Variants in MPRIP observed in about 807,000 individuals in gnomAD.
MPRIP encodes myosin phosphatase Rho interacting protein, also known as myosin phosphatase Rho-interacting protein.
In MPRIP, 59 loss-of-function variants were observed where a neutral mutation model predicts 234.9. That is an observed-to-expected ratio of 0.25 (90% confidence interval 0.20 to 0.31). MPRIP has a LOEUF of 0.31. Ranked by LOEUF, MPRIP falls within the 10% of genes least tolerant of loss-of-function variation. The pLI, the probability that MPRIP is intolerant of heterozygous loss-of-function variation, is 1.00. For synonymous variants in MPRIP, 1,144 were observed against 1,263.9 expected (o/e 0.91, Z 2.01); for missense variants, 2,436 against 3,071.0 (o/e 0.79, Z 4.89).
intron 3 of MPRIP, among the ~76,000 whole-genome samples, chr17:17,089,686 T>A (rs1371843158): frequency 6.6e-6 from 1 of 151,928 alleles, no homozygotes; most frequent in African/African-American, 2.4e-5. Flanking sequence ...GTGTGAGGTG[T>A]AGGCGTGAGA....
At chr17:17,100,262 T>G (rs2089933098) in intron 3 of MPRIP, among the ~76,000 whole-genome samples, 1 of 152,186 alleles carries the variant, frequency 6.6e-6, no homozygotes, top group Non-Finnish European at 1.5e-5. Flanking sequence ...AATCACCAAG[T>G]TCAGTCTGGC....
intron 1 of MPRIP, among the ~76,000 whole-genome samples, chr17:17,063,396 C>A (rs2088925172): frequency 6.6e-6 from 1 of 152,074 alleles, no homozygotes; most frequent in Non-Finnish European, 1.5e-5. Context: ...TGGCCTGGAG[C>A]CGGTTAGTGT....
intron 1 of MPRIP, 127 bp from the exon 2 acceptor site, chr17:17,075,583 A>G: frequency 1.3e-6 from 1 of 772,326 alleles, no homozygotes; most frequent in South Asian, 1.6e-5. Flanking sequence ...CGCAGTGGAA[A>G]TAGGTGTCAT....
intron 6 of MPRIP, among the ~76,000 whole-genome samples, chr17:17,137,531 A>C (rs1019528762): frequency 1.6e-4 from 18 of 113,934 alleles, no homozygotes; most frequent in African/African-American, 4.9e-4. Flanking sequence ...AAAAAAAAAT[A>C]CTGAAGGGCT....
At chr17:17,132,816 C>T (rs765500853) in intron 5 of MPRIP, among the ~76,000 whole-genome samples, 4 of 152,180 alleles carry the variant, frequency 2.6e-5, no homozygotes, top group East Asian at 1.9e-4. Context: ...AAGAAGTCAG[C>T]GAAAAATACA....
At chr17:17,101,723 G>A (rs1017933474) in intron 3 of MPRIP, among the ~76,000 whole-genome samples, 1 of 152,256 alleles carries the variant, frequency 6.6e-6, no homozygotes, top group African/African-American at 2.4e-5. Context: ...TTTCCTGAGG[G>A]TAGAGTTCTA....
intron 3 of MPRIP, among the ~76,000 whole-genome samples, chr17:17,124,049 T>A (rs1403155024): frequency 6.6e-6 from 1 of 152,208 alleles, no homozygotes; most frequent in Admixed American, 6.5e-5. Context: ...TTATTAATGC[T>A]TCTGAAATCC....
At chr17:17,097,955 G>GA (rs1176126846) in intron 3 of MPRIP, among the ~76,000 whole-genome samples, 4 of 152,140 alleles carry the variant, frequency 2.6e-5, no homozygotes, top group African/African-American at 4.8e-5. Context: ...GCAGATAATT[G>GA]AAAAAATCTT....
At position 17,165,338 on chromosome 17, in the gene MPRIP, C is replaced by T; in HGVS notation, c.3747C>T (p.Val1249=). 7.7e-7 allele frequency: 1 copy of T among 1,304,080 alleles called. No individual in the cohort carries two copies. The highest frequency in any genetic ancestry group is 1.0e-6 in the Non-Finnish European group (1 of 988,960). 80.8% of individuals were successfully genotyped at this position (1,304,080 alleles called of 1,614,324 possible). A position where few individuals can be genotyped will look rare whatever the true frequency, so the allele number is the denominator to read the frequency against. The change falls in exon 16 of 24, where the codon GTC becomes GTT. Residue 1249 remains valine, a synonymous_variant. Coordinates refer to ENST00000651222, the MANE Select transcript of MPRIP (RefSeq NM_001364716.4). ...GCACTTTGCTCCCAGGCCAACCAGT[C>T]CAAGCCACTAGGGCACCTCTAGGCC... is the stretch of plus-strand genomic sequence containing the variant. ...RDGTLLPGQP[V]QATRAPLGLP...
chr17:17,154,048 CTG>C (rs201890627), intron 12 of MPRIP, among the ~76,000 whole-genome samples: 3,449 of 130,560 alleles, frequency 0.026, 102 homozygotes, highest in Middle Eastern at 0.09. Flanking sequence ...TGCTCAGTAA[CTG>C]TGAGCTTGTT....
At chr17:17,055,604 G>A (rs541600636) in intron 1 of MPRIP, among the ~76,000 whole-genome samples, 2 of 152,182 alleles carry the variant, frequency 1.3e-5, no homozygotes, top group Non-Finnish European at 2.9e-5. Context: ...AACAGGAGGA[G>A]TCTCTTCTTT....
intron 11 of MPRIP, among the ~76,000 whole-genome samples, chr17:17,147,971 C>T (rs2045515170): frequency 6.6e-6 from 1 of 152,176 alleles, no homozygotes. Flanking sequence ...GCCTTTTCCC[C>T]AGTAGTTTCA....
intron 20 of MPRIP, 113 bp from the exon 21 acceptor site, chr17:17,176,313 G>C: frequency 1.3e-6 from 1 of 781,736 alleles, no homozygotes; most frequent in Non-Finnish European, 2.3e-6. Flanking sequence ...GCACCACGAG[G>C]CTGCCCTGCT....
chr17:17,149,817 G>C (rs2045559946), intron 11 of MPRIP: 1 of 153,856 alleles, frequency 6.5e-6, no homozygotes, highest in Non-Finnish European at 1.4e-5. Context: ...TTCTAACATA[G>C]TAAATACCAT....
At chr17:17,146,556 C>T (rs1416016111) in intron 10 of MPRIP, among the ~76,000 whole-genome samples, 1 of 152,226 alleles carries the variant, frequency 6.6e-6, no homozygotes, top group Non-Finnish European at 1.5e-5. Context: ...AGTGTTAGCC[C>T]TGGAAGGAGC....
At chr17:17,073,568 G>C (rs1348039685) in intron 1 of MPRIP, among the ~76,000 whole-genome samples, 1 of 152,230 alleles carries the variant, frequency 6.6e-6, no homozygotes, top group African/African-American at 2.4e-5. Flanking sequence ...TGGCTTGGCA[G>C]GCTAGCCTCT....
At chr17:17,134,940 GC>G (rs1438054779) in intron 5 of MPRIP, among the ~76,000 whole-genome samples, 1 of 152,256 alleles carries the variant, frequency 6.6e-6, no homozygotes, top group East Asian at 1.9e-4. Context: ...TCATCTGCAA[GC>G]CTCTCCAAGG....
Position 17,180,701 on chromosome 17 carries a change from T to C in MPRIP, c.7206+613T>C, listed in dbSNP as rs986901457. The C allele has an allele frequency of 3.8e-6, 6 of 1,584,542 alleles. No individual in the cohort carries two copies. The African/African-American group carries it at 8.1e-5, about 21-fold the overall frequency. ...CGCCTCTCCCACCGCCTGCATGCAC[T>C]GCTCACACCCCCATGGCAAACGCCT... On this transcript the variant is annotated intron_variant, in intron 23 of 23. Transcript: ENST00000651222.
intron 14 of MPRIP, 80 bp from the exon 15 acceptor site, chr17:17,161,160 C>A: frequency 2.1e-6 from 2 of 934,740 alleles, no homozygotes; most frequent in South Asian, 1.8e-5. Context: ...CATGGAAGAC[C>A]AGTGAAAGAG....
Sources: allele counts gnomAD v4.1 joint callset (sites outside exome capture counted in the v4.1 genomes callset), GRCh38; gene constraint gnomAD v4.1.1; transcripts MANE v1.5; gene names NCBI Gene and HGNC (gene_info 2026-07-23, HGNC 2026-07-21).